WNT5A: variants seen among roughly 807,000 people sequenced by gnomAD.
The protein encoded by WNT5A is Wnt family member 5A.
A neutral mutation model predicts 42.1 loss-of-function variants in WNT5A; 9 were observed. That is an observed-to-expected ratio of 0.21 (90% CI 0.13 to 0.37). WNT5A has a LOEUF of 0.37. Among genes scored for constraint, WNT5A ranks in the 10% least tolerant of loss-of-function variants. The probability of loss-of-function intolerance (pLI) is 1.00; values close to 1 mark genes in which losing one functional copy is unlikely to be tolerated. For synonymous variants in WNT5A, 210 were observed against 210.0 expected, an observed-to-expected ratio of 1.00 and a Z score of 0.00; for missense variants, 426 against 534.0, an observed-to-expected ratio of 0.80 and a Z score of 1.99.
At position 55,469,849 on chromosome 3, in the gene WNT5A, A is replaced by G. The variant is rs2051212308; in HGVS notation, c.*243T>C. 1 of 456,124 alleles carries G rather than the reference A, an allele frequency of 2.2e-6. No individual in the cohort carries two copies. Among genetic ancestry groups the G allele is most frequent in the South Asian group, 3.0e-5 (1 of 33,820 alleles). 28.3% of individuals were successfully genotyped at this position (456,124 alleles called of 1,614,324 possible). On this transcript the variant is annotated 3_prime_UTR_variant, in exon 5 of 5. Coordinates refer to ENST00000264634, the MANE Select transcript of WNT5A (RefSeq NM_003392.7). ...ATACTATCAAAAGAAGTCTTGTATT[A>G]CCTTTTCAAAGATCCACAAAATAAA...
the WNT5A span, among the ~76,000 whole-genome samples, chr3:55,502,771 A>G: frequency 6.6e-6 from 1 of 152,382 alleles, no homozygotes; most frequent in South Asian, 2.1e-4. Context: ...GACATAGGCA[A>G]AGGTACTGAG....
intron 1 of WNT5A, 34 bp from the exon 2 acceptor site, chr3:55,480,952 C>T: frequency 7.0e-7 from 1 of 1,436,788 alleles, no homozygotes; most frequent in African/African-American, 1.4e-5. Context: ...ATGTTTATTG[C>T]CTCTCAGATA....
At position 55,474,324 on chromosome 3, in the gene WNT5A, A is replaced by C; in HGVS notation, c.684+13T>G. On this transcript the variant is annotated intron_variant, in intron 4 of 4. Coordinates refer to ENST00000264634, the MANE Select transcript of WNT5A (RefSeq NM_003392.7). ...GACAGAGATGCGGGGCGGGGGCGAG[A>C]CGCGGCACTCACCCTGCGGCCGGCC... 6.2e-7 allele frequency: 1 copy of C among 1,612,510 alleles called. No individual in the cohort carries two copies. Among genetic ancestry groups the C allele is most frequent in the Non-Finnish European group, 8.5e-7 (1 of 1,179,714 alleles).
chr3:55,497,009 T>C, the WNT5A span, among the ~76,000 whole-genome samples: 2 of 152,222 alleles, frequency 1.3e-5, no homozygotes, highest in Non-Finnish European at 2.9e-5. Context: ...TCATCAACCA[T>C]TCATTTAACA....
chr3:55,466,911 G>A lies in WNT5A; in HGVS notation c.*3181C>T, dbSNP rs951077684. ...AATGCATTCTTGGCATCCTTAAAAGGTTTCAATATGTTACAAGGTTATCCG... is the reference window on the plus strand; with the variant it reads ...AATGCATTCTTGGCATCCTTAAAAGATTTCAATATGTTACAAGGTTATCCG... On this transcript the variant is annotated 3_prime_UTR_variant, in exon 5 of 5. Transcript: ENST00000264634. 5 of 152,408 alleles carry A rather than the reference G, an allele frequency of 3.3e-5. No individual in the cohort carries two copies. Among genetic ancestry groups the A allele is most frequent in the African/African-American group, 1.2e-4 (5 of 41,424 alleles). The allele number at this position is 152,408 out of a possible 1,614,324, so 9.4% of individuals were successfully genotyped here.
chr3:55,490,986 G>T (rs1238573708), upstream of WNT5A, among the ~76,000 whole-genome samples: 1 of 152,138 alleles, frequency 6.6e-6, no homozygotes. Flanking sequence ...TATGCCCCAG[G>T]AGCAATAAGC....
rs761469585 is a variant in WNT5A at position 55,486,949 on chromosome 3, GA to G, written c.6+30del. On this transcript the variant is annotated intron_variant, in intron 1 of 4. Transcript: ENST00000264634. ...CCAACAGGGGGTGGGGGGAAGTAAA[GA>G]AAAAAAGTGGCAGCGCACTGAACAC... The G allele has an allele frequency of 4.4e-6, 7 of 1,586,726 alleles. No individual in the cohort carries two copies. In the South Asian group the frequency reaches 4.4e-5, roughly 10 times the overall value.
In WNT5A at chr3:55,474,457, A is replaced by G; in HGVS notation, c.564T>C (p.Tyr188=). Residue 188 remains tyrosine, a synonymous_variant, in exon 4 of 5, where the codon TAT becomes TAC. Transcript: ENST00000264634. ...CGAACTCCTTGGCAAAGCGGTAGCC[A>G]TAGTCGATGTTGTCGCCGCAGCCGC... ...LWGGCGDNID[Y]GYRFAKEFVD... The G allele has an allele frequency of 6.2e-7, 1 of 1,608,888 alleles. No homozygotes were observed. The highest frequency in any genetic ancestry group is 8.5e-7 in the Non-Finnish European group (1 of 1,178,546).
intron 1 of WNT5A, chr3:55,481,448 TGGAGGATGGG>T: frequency 1.6e-6 from 1 of 611,642 alleles, no homozygotes; most frequent in Non-Finnish European, 1.9e-6. Context: ...GCGCGGGGGG[TGGAGGATGGG>T]GGCAGGACGC....
the WNT5A span, among the ~76,000 whole-genome samples, chr3:55,497,909 T>G: frequency 6.6e-6 from 1 of 152,144 alleles, no homozygotes; most frequent in South Asian, 2.1e-4. Flanking sequence ...GCCAAGACAA[T>G]TCTTCCAGAA....
chr3:55,501,450 A>G, the WNT5A span: 1 of 152,346 alleles, frequency 6.6e-6, no homozygotes, highest in South Asian at 2.1e-4. Flanking sequence ...TCTACAAAGA[A>G]GTGCTGGTTG....
chr3:55,492,229 T>G (rs201852771), upstream of WNT5A, among the ~76,000 whole-genome samples: 67 of 36,870 alleles, frequency 1.8e-3, 1 homozygote, highest in African/African-American at 0.015. Context: ...TGGTGCTTTG[T>G]GGCGGGGGGG....
chr3:55,500,342 G>T, the WNT5A span, among the ~76,000 whole-genome samples: 1 of 152,194 alleles, frequency 6.6e-6, no homozygotes, highest in Non-Finnish European at 1.5e-5. Context: ...AATCTAAAGG[G>T]CTCACAGAAT....
chr3:55,491,621 C>T (rs1446892113), upstream of WNT5A, among the ~76,000 whole-genome samples: 1 of 152,166 alleles, frequency 6.6e-6, no homozygotes, highest in South Asian at 2.1e-4. Flanking sequence ...GAAAATCTAC[C>T]CCCCTTTTAT....
At chr3:55,473,684 C>CT (rs925107047) in intron 4 of WNT5A, among the ~76,000 whole-genome samples, 6 of 151,996 alleles carry the variant, frequency 3.9e-5, no homozygotes, top group African/African-American at 1.4e-4. Context: ...TAGAAAAGCC[C>CT]TTTTTTAAAA....
chr3:55,487,051 G>T lies in WNT5A; in HGVS notation c.-66C>A, dbSNP rs549842537. 18 of 1,530,536 alleles carry T rather than the reference G, an allele frequency of 1.2e-5. No individual in the cohort carries two copies. In the Admixed American group the frequency reaches 2.9e-4, roughly 25 times the overall value. 94.8% of individuals were successfully genotyped at this position (1,530,536 alleles called of 1,614,324 possible). A position where few individuals can be genotyped will look rare whatever the true frequency, so the allele number is the denominator to read the frequency against. ...GCGAGCGCAGCCGAGGAATCCGAGC[G>T]GAGCGACCGGGTTAAGCCTGGGGGG... On this transcript the variant is annotated 5_prime_UTR_variant, in exon 1 of 5. Transcript: ENST00000264634.
At position 55,487,027 on chromosome 3, in the gene WNT5A, C is replaced by T. The variant is rs756750566; in HGVS notation, c.-42G>A. ...CGCGGGGAGGAAGTCGCCACCCGAG[C>T]GAGCGCAGCCGAGGAATCCGAGCGG... is the stretch of plus-strand genomic sequence containing the variant. On this transcript the variant is annotated 5_prime_UTR_variant, in exon 1 of 5. Coordinates refer to ENST00000264634, the MANE Select transcript of WNT5A (RefSeq NM_003392.7). 3.7e-6 allele frequency: 6 copies of T among 1,602,928 alleles called. No homozygotes were observed. The Admixed American group carries it at 1.0e-4, about 27-fold the overall frequency.
At position 55,467,395 on chromosome 3, in the gene WNT5A, T is replaced by A. The variant is rs975185998; in HGVS notation, c.*2697A>T. On this transcript the variant is annotated 3_prime_UTR_variant, in exon 5 of 5. Coordinates refer to ENST00000264634, the MANE Select transcript of WNT5A (RefSeq NM_003392.7). ...TTTTTTTTTTTGTAAGGAACATATATAGGAAAAGAGAATTCCCCTTTTGTT... is the reference window on the plus strand; with the variant it reads ...TTTTTTTTTTTGTAAGGAACATATAAAGGAAAAGAGAATTCCCCTTTTGTT... The A allele has an allele frequency of 6.7e-6, 1 of 150,172 alleles. No homozygotes were observed. Among genetic ancestry groups the A allele is most frequent in the Non-Finnish European group, 1.5e-5 (1 of 67,664 alleles). The allele number at this position is 150,172 out of a possible 1,614,324, so 9.3% of individuals were successfully genotyped here.
chr3:55,489,485 G>A (rs1322241611), upstream of WNT5A, among the ~76,000 whole-genome samples: 2 of 149,110 alleles, frequency 1.3e-5, no homozygotes, highest in East Asian at 4.1e-4. Context: ...CAGCGATGCC[G>A]TTCCACCCTC....
Sources: gnomAD v4.1 joint callset for allele counts (sites outside exome capture counted in the v4.1 genomes callset) on GRCh38, gnomAD v4.1.1 for gene constraint, MANE v1.5 for transcripts, NCBI Gene and HGNC (gene_info 2026-07-23, HGNC 2026-07-21) for gene names.